Variants in ABHD6 observed in about 807,000 individuals in gnomAD.
The protein encoded by ABHD6 is monoacylglycerol lipase ABHD6.
In ABHD6, 33 loss-of-function variants were observed where a neutral mutation model predicts 38.8. The observed-to-expected ratio is 0.85, with a 90% CI of 0.64 to 1.14. The LOEUF (loss-of-function observed/expected upper bound fraction) is 1.14. ABHD6 is among the 50% of genes most tolerant of loss of function. The pLI, the probability that ABHD6 is intolerant of heterozygous loss-of-function variation, is 0.00. For synonymous variants in ABHD6, 147 were observed against 161.6 expected, an observed-to-expected ratio of 0.91 and a Z score of 0.69; for missense variants, 380 against 422.6, an observed-to-expected ratio of 0.90 and a Z score of 0.88.
rs1253964600 is a variant in ABHD6 at position 58,238,754 on chromosome 3, G to A, written c.-91+838G>A. ...GAGCCCTTTGTATGCCCCAGGAGCTGGGTGGTTAGGAAGAGGAAATAAAGT... is the reference window on the plus strand; with the variant it reads ...GAGCCCTTTGTATGCCCCAGGAGCTAGGTGGTTAGGAAGAGGAAATAAAGT... On this transcript the variant is annotated intron_variant, in intron 1 of 9. Transcript: ENST00000478253. The surrounding 1 kb of genome is among the most constrained non-coding windows in gnomAD (Gnocchi z 6.9). 6.6e-6 allele frequency: 1 copy of A among 152,326 alleles called. No individual in the cohort carries two copies. Among genetic ancestry groups the A allele is most frequent in the African/African-American group, 2.4e-5 (1 of 41,446 alleles). The allele number at this position is 152,326 out of a possible 1,614,324, so 9.4% of individuals were successfully genotyped here.
intron 3 of ABHD6, among the ~76,000 whole-genome samples, chr3:58,264,403 A>G (rs879482955): frequency 0.089 from 7,516 of 84,322 alleles, 313 homozygotes; most frequent in South Asian, 0.13. Flanking sequence ...ACACACACAC[A>G]CACACACACA....
At chr3:58,248,555 G>A (rs527608292) in intron 1 of ABHD6, among the ~76,000 whole-genome samples, 6 of 152,162 alleles carry the variant, frequency 3.9e-5, no homozygotes, top group Admixed American at 1.3e-4. Context: ...AAAATTAGCC[G>A]GGCATGGTGG....
chr3:58,289,313 T>C, intron 9 of ABHD6, among the ~76,000 whole-genome samples: 1 of 151,684 alleles, frequency 6.6e-6, no homozygotes, highest in East Asian at 1.9e-4. Context: ...AGGACAATAG[T>C]GGAGGGAAGG....
Position 58,238,666 on chromosome 3 carries a change from G to C in ABHD6, c.-91+750G>C. The C allele has an allele frequency of 6.5e-6, 1 of 154,142 alleles. No individual in the cohort carries two copies. Among genetic ancestry groups the C allele is most frequent in the Non-Finnish European group, 1.4e-5 (1 of 69,508 alleles). The allele number at this position is 154,142 out of a possible 1,614,324, so 9.5% of individuals were successfully genotyped here. On this transcript the variant is annotated intron_variant, in intron 1 of 9. Coordinates refer to ENST00000478253, the MANE Select transcript of ABHD6 (RefSeq NM_001320126.2). This position sits in a 1 kb window ranked among gnomAD's most constrained non-coding sequence, Gnocchi z 6.9. ...CCAGGTGACAGAGTGAGGCATGGGG[G>C]AGTGGGGGAAGAGGAGGATGCCAGA... is the stretch of plus-strand genomic sequence containing the variant.
Position 58,269,699 on chromosome 3 carries a change from G to A in ABHD6, c.390+265G>A, listed in dbSNP as rs1384467538. On this transcript the variant is annotated intron_variant, in intron 5 of 9. Transcript: ENST00000478253. The surrounding 1 kb of genome is among the most constrained non-coding windows in gnomAD (Gnocchi z 4.4). ...CATTTTCTCAACTCTTTGAAAAGGG[G>A]TTTAGAATTTCTTAAAACCAATTCC... Among the ~76,000 whole-genome samples, 2 of 152,238 alleles carry A rather than the reference G, an allele frequency of 1.3e-5. No individual in the cohort carries two copies. Among genetic ancestry groups the A allele is most frequent in the Admixed American group, 1.3e-4 (2 of 15,286 alleles).
intron 6 of ABHD6, among the ~76,000 whole-genome samples, chr3:58,271,409 T>C (rs893877271): frequency 6.6e-6 from 1 of 152,196 alleles, no homozygotes; most frequent in Non-Finnish European, 1.5e-5. Flanking sequence ...CTTTGAAATA[T>C]AATGTTACTA....
In ABHD6 at chr3:58,266,350, A is replaced by G. The variant is rs2097440945; in HGVS notation, c.120-839A>G. Reference sequence around the variant, plus strand: ...TGTAACCCTAGATACAGGCTGAGGCACAAGAATTGCTTGAACCCGGGAGGT... The same window carrying G: ...TGTAACCCTAGATACAGGCTGAGGCGCAAGAATTGCTTGAACCCGGGAGGT... On this transcript the variant is annotated intron_variant, in intron 3 of 9. Coordinates refer to ENST00000478253, the MANE Select transcript of ABHD6 (RefSeq NM_001320126.2). The surrounding 1 kb of genome is among the most constrained non-coding windows in gnomAD (Gnocchi z 4.0). 6.6e-6 allele frequency among the ~76,000 whole-genome samples: 1 copy of G among 152,008 alleles called. No homozygotes were observed. The highest frequency in any genetic ancestry group is 1.5e-5 in the Non-Finnish European group (1 of 68,008).
chr3:58,285,009 C>T lies in ABHD6; in HGVS notation c.682-76C>T. 2 of 1,389,922 alleles carry T rather than the reference C, an allele frequency of 1.4e-6. No individual in the cohort carries two copies. Among genetic ancestry groups the T allele is most frequent in the South Asian group, 2.3e-5 (2 of 86,192 alleles). The allele number at this position is 1,389,922 out of a possible 1,614,324, so 86.1% of individuals were successfully genotyped here. A position where few individuals can be genotyped will look rare whatever the true frequency, so the allele number is the denominator to read the frequency against. ...TAAATTGCTGGACCTCATTCCCATT[C>T]ATTGTCCCAGAGCTGTGAGAGGCCT... On this transcript the variant is annotated intron_variant, in intron 7 of 9. Transcript: ENST00000478253. This position sits in a 1 kb window ranked among gnomAD's most constrained non-coding sequence, Gnocchi z 4.9.
At chr3:58,261,799 CAGAAAG>C (rs778811431) in intron 3 of ABHD6, among the ~76,000 whole-genome samples, 4 of 152,178 alleles carry the variant, frequency 2.6e-5, no homozygotes, top group Non-Finnish European at 4.4e-5. Context: ...GTCGGCTCCC[CAGAAAG>C]TTATACATTT....
Position 58,251,226 on chromosome 3 carries a change from A to T in ABHD6, c.-26+1284A>T, listed in dbSNP as rs570475099. ...CAGCTACTCAGGAGGCTGAGACAGG[A>T]GAAGCACTTGAACCCAGGAGGCGGA... On this transcript the variant is annotated intron_variant, in intron 2 of 9. Transcript: ENST00000478253. The surrounding 1 kb of genome is among the most constrained non-coding windows in gnomAD (Gnocchi z 5.4). Among the ~76,000 whole-genome samples, 7 of 152,126 alleles carry T rather than the reference A, an allele frequency of 4.6e-5. No homozygotes were observed. Among genetic ancestry groups the T allele is most frequent in the South Asian group, 2.1e-4 (1 of 4,816 alleles).
chr3:58,285,405 G>A lies in ABHD6; in HGVS notation c.789G>A (p.Met263Ile). ...EKSRYSLHQN[M>I]DKIKVPTQII... Reference sequence around the variant, plus strand: ...CCAGATACTCTCTCCATCAGAACATGGACAAGATCAAGGTTCCGACGCAGA... The same window carrying A: ...CCAGATACTCTCTCCATCAGAACATAGACAAGATCAAGGTTCCGACGCAGA... Residue 263 changes from methionine (M) to isoleucine (I), a missense_variant, in exon 9 of 10, where the codon ATG becomes ATA. By Grantham distance (10) the Met-to-Ile change is conservative. Transcript: ENST00000478253. This position sits in a 1 kb window ranked among gnomAD's most constrained non-coding sequence, Gnocchi z 4.9. 1 of 1,614,110 alleles carries A rather than the reference G, an allele frequency of 6.2e-7. No homozygotes were observed. The highest frequency in any genetic ancestry group is 8.5e-7 in the Non-Finnish European group (1 of 1,179,996).
chr3:58,249,341 G>A (rs2097428474), intron 1 of ABHD6, among the ~76,000 whole-genome samples: 1 of 152,116 alleles, frequency 6.6e-6, no homozygotes, highest in African/African-American at 2.4e-5. Flanking sequence ...CAATTCAGGG[G>A]TTTTTCTGGT....
In ABHD6 at chr3:58,293,580, G is replaced by A. The variant is rs1232975321; in HGVS notation, c.838-9G>A. On this transcript the variant is annotated splice_polypyrimidine_tract_variant and intron_variant, in intron 9 of 9. Coordinates refer to ENST00000478253, the MANE Select transcript of ABHD6 (RefSeq NM_001320126.2). This position sits in a 1 kb window ranked among gnomAD's most constrained non-coding sequence, Gnocchi z 4.4. Reference sequence around the variant, plus strand: ...TGTGTATCATCCAGCTCCCTTTCTTGCCCAGCAGGTGCTGGATGTGTCTGG... The same window carrying A: ...TGTGTATCATCCAGCTCCCTTTCTTACCCAGCAGGTGCTGGATGTGTCTGG... The A allele has an allele frequency of 1.9e-6, 3 of 1,613,392 alleles. No homozygotes were observed. In the African/African-American group the frequency reaches 4.0e-5, roughly 22 times the overall value.
intron 7 of ABHD6, among the ~76,000 whole-genome samples, chr3:58,282,097 G>A (rs996084835): frequency 2.0e-5 from 3 of 152,200 alleles, no homozygotes; most frequent in African/African-American, 4.8e-5. Flanking sequence ...TTGAGAGAAT[G>A]TAAGTGAAGA....
At chr3:58,291,075 C>T (rs2097462361) in intron 9 of ABHD6, among the ~76,000 whole-genome samples, 1 of 150,368 alleles carries the variant, frequency 6.7e-6, no homozygotes, top group African/African-American at 2.5e-5. Context: ...CCACTGCACT[C>T]CAGCCTGGGC....
intron 7 of ABHD6, among the ~76,000 whole-genome samples, chr3:58,276,913 C>G (rs2097449144): frequency 6.6e-6 from 1 of 152,140 alleles, no homozygotes; most frequent in African/African-American, 2.4e-5. Context: ...TGTCAAAGAT[C>G]AGATGGTTAT....
At chr3:58,244,638 C>T (rs2107414962) in intron 1 of ABHD6, among the ~76,000 whole-genome samples, 1 of 152,090 alleles carries the variant, frequency 6.6e-6, no homozygotes, top group East Asian at 1.9e-4. Flanking sequence ...GTGGTGCATG[C>T]CTGTGGTCCC....
In ABHD6 at chr3:58,256,622, G is replaced by A. The variant is rs1448608797; in HGVS notation, c.36G>A (p.Ala12=). Residue 12 remains alanine, a synonymous_variant, in exon 3 of 10, where the codon GCG becomes GCA. Coordinates refer to ENST00000478253, the MANE Select transcript of ABHD6 (RefSeq NM_001320126.2). The surrounding 1 kb of genome is among the most constrained non-coding windows in gnomAD (Gnocchi z 4.3). ...DLDVVNMFVI[A]GGTLAIPILA... ...ATGTGGTTAACATGTTTGTGATTGC[G>A]GGCGGCACGCTGGCCATCCCAATCC... 10 of 1,613,912 alleles carry A rather than the reference G, an allele frequency of 6.2e-6. No individual in the cohort carries two copies. Among genetic ancestry groups the A allele is most frequent in the African/African-American group, 1.3e-5 (1 of 74,916 alleles).
Position 58,267,084 on chromosome 3 carries a change from G to C in ABHD6, c.120-105G>C. 8.1e-7 allele frequency: 1 copy of C among 1,234,784 alleles called. No homozygotes were observed. Among genetic ancestry groups the C allele is most frequent in the East Asian group, 2.3e-5 (1 of 42,690 alleles). The allele number at this position is 1,234,784 out of a possible 1,614,324, so 76.5% of individuals were successfully genotyped here. On this transcript the variant is annotated intron_variant, in intron 3 of 9. Coordinates refer to ENST00000478253, the MANE Select transcript of ABHD6 (RefSeq NM_001320126.2). This position sits in a 1 kb window ranked among gnomAD's most constrained non-coding sequence, Gnocchi z 4.3. ...GAGGACAAGGGCTGGAGAAGTGTTT[G>C]TGTTATCACTAAGGAAGACTTATAG...
Sources: gnomAD v4.1 joint callset for allele counts (sites outside exome capture counted in the v4.1 genomes callset) on GRCh38, gnomAD v4.1.1 for gene constraint, Gnocchi (gnomAD v3.1) non-coding constraint, MANE v1.5 for transcripts, NCBI Gene and HGNC (gene_info 2026-07-23, HGNC 2026-07-21) for gene names.